CDH18: variants seen among roughly 807,000 people sequenced by gnomAD.
CDH18 encodes the protein cadherin 18, also known as cadherin-18.
Under a neutral mutation model 67.9 loss-of-function variants are expected in CDH18, and 31 were observed. That is an observed-to-expected ratio of 0.46 (90% CI 0.34 to 0.62). CDH18 has a LOEUF of 0.62. Among genes scored for constraint, CDH18 ranks in the 20% least tolerant of loss-of-function variants. CDH18 has a pLI of 0.01. For synonymous variants in CDH18, 362 were observed against 347.2 expected (o/e 1.04, Z -0.48); for missense variants, 890 against 975.5 (o/e 0.91, Z 1.17).
intron 5 of CDH18, among the ~76,000 whole-genome samples, chr5:19,646,951 T>C (rs548787530): frequency 6.6e-6 from 1 of 152,164 alleles, no homozygotes; most frequent in Non-Finnish European, 1.5e-5. Context: ...GTTCAGATTT[T>C]AAAATGCTGT....
intron 1 of CDH18, among the ~76,000 whole-genome samples, chr5:20,349,008 T>G (rs1370887582): frequency 6.6e-6 from 1 of 152,194 alleles, no homozygotes; most frequent in East Asian, 1.9e-4. Flanking sequence ...ATTGGAAATG[T>G]GTATTTACTT....
intron 6 of CDH18, among the ~76,000 whole-genome samples, chr5:19,602,973 A>G (rs555857066): frequency 7.0e-4 from 106 of 152,042 alleles, no homozygotes; most frequent in African/African-American, 2.1e-3. Flanking sequence ...CTCAAAAAAA[A>G]AAATAAATAA....
chr5:19,885,538 G>A (rs143881761), intron 2 of CDH18, among the ~76,000 whole-genome samples: 5 of 152,232 alleles, frequency 3.3e-5, no homozygotes, highest in Middle Eastern at 3.4e-3. Context: ...ATAACAAACT[G>A]TACTTAAGAG....
At chr5:19,840,394 G>A (rs188441988) in intron 2 of CDH18, among the ~76,000 whole-genome samples, 2 of 152,010 alleles carry the variant, frequency 1.3e-5, no homozygotes, top group African/African-American at 4.8e-5. Flanking sequence ...GACAGGATAT[G>A]GGAGAGAAAA....
chr5:19,912,188 A>G (rs1351150770), intron 2 of CDH18, among the ~76,000 whole-genome samples: 1 of 152,050 alleles, frequency 6.6e-6, no homozygotes, highest in Non-Finnish European at 1.5e-5. Flanking sequence ...AATAATAAAA[A>G]AAAAACACTT....
intron 2 of CDH18, among the ~76,000 whole-genome samples, chr5:20,005,852 T>A (rs1230524189): frequency 8.5e-5 from 13 of 152,062 alleles, no homozygotes; most frequent in Admixed American, 8.5e-4. Context: ...ATCTGGATAT[T>A]TAACTACGTT....
intron 1 of CDH18, among the ~76,000 whole-genome samples, chr5:20,466,738 G>A (rs542289802): frequency 2.6e-5 from 4 of 152,144 alleles, no homozygotes; most frequent in South Asian, 2.1e-4. Flanking sequence ...TATATCCCAT[G>A]TGAGACATGC....
At chr5:19,965,556 A>G (rs180755923) in intron 2 of CDH18, among the ~76,000 whole-genome samples, 3 of 152,362 alleles carry the variant, frequency 2.0e-5, no homozygotes, top group East Asian at 3.9e-4. Context: ...ATTATATGTT[A>G]GCAAAATATC....
rs1430815907 is a variant in CDH18, at chr5:20,410,312, A to ATGT, written c.-579-154810_-579-154808dup. On this transcript the variant is annotated intron_variant, in intron 1 of 14. Transcript: ENST00000507958. ...TGATTAAATGGGACTTATCTCTGGG[A>ATGT]TGTAAAGATGATTTATAAAACAAAA... 2.6e-5 allele frequency among the ~76,000 whole-genome samples: 4 copies of ATGT among 151,988 alleles called. No homozygotes were observed. In the East Asian group the frequency reaches 7.7e-4, roughly 29 times the overall value.
In CDH18 at chr5:20,070,145, A is replaced by G. The variant is rs193003706; in HGVS notation, c.-517-78131T>C. Among the ~76,000 whole-genome samples the G allele has an allele frequency of 1.8e-4, 27 of 152,298 alleles. No homozygotes were observed. In the South Asian group the frequency reaches 3.3e-3, roughly 19 times the overall value. ...ATAGTTTTGCCTTTTCCCAAAAGCTATATAGTTGAAACACAGATTGGCTTA... is the reference window on the plus strand; with the variant it reads ...ATAGTTTTGCCTTTTCCCAAAAGCTGTATAGTTGAAACACAGATTGGCTTA... On this transcript the variant is annotated intron_variant, in intron 2 of 14. Transcript: ENST00000507958.
chr5:19,944,398 A>T (rs1795103271), intron 2 of CDH18, among the ~76,000 whole-genome samples: 2 of 152,142 alleles, frequency 1.3e-5, no homozygotes, highest in South Asian at 4.1e-4. Flanking sequence ...TAAAGTGTGT[A>T]TATAATTTAT....
intron 5 of CDH18, among the ~76,000 whole-genome samples, chr5:19,627,375 G>C (rs1250724350): frequency 1.3e-5 from 2 of 152,158 alleles, no homozygotes; most frequent in Non-Finnish European, 2.9e-5. Context: ...AAAAATATTA[G>C]CCAATACCTA....
At chr5:19,860,416 CTTCTT>C (rs1022553987) in intron 2 of CDH18, among the ~76,000 whole-genome samples, 1 of 150,336 alleles carries the variant, frequency 6.7e-6, no homozygotes, top group African/African-American at 2.4e-5. Context: ...TTCTCATTGC[CTTCTT>C]TTCTTCTTCT....
chr5:19,943,470 G>C (rs1272379601), intron 2 of CDH18, among the ~76,000 whole-genome samples: 1 of 152,114 alleles, frequency 6.6e-6, no homozygotes, highest in Non-Finnish European at 1.5e-5. Flanking sequence ...ATCTTGTCAA[G>C]ATATGAAAGC....
chr5:19,714,746 C>A (rs1309729163), intron 5 of CDH18, among the ~76,000 whole-genome samples: 2 of 151,998 alleles, frequency 1.3e-5, no homozygotes, highest in Non-Finnish European at 2.9e-5. Flanking sequence ...TATGTCATTT[C>A]CATTACTTCA....
At chr5:19,670,735 G>C (rs1472127550) in intron 5 of CDH18, among the ~76,000 whole-genome samples, 2 of 152,014 alleles carry the variant, frequency 1.3e-5, no homozygotes, top group Admixed American at 1.3e-4. Flanking sequence ...TGAACGACAA[G>C]ATCAACTGGG....
chr5:19,569,220 C>G (rs1356937790), intron 8 of CDH18, among the ~76,000 whole-genome samples: 1 of 152,208 alleles, frequency 6.6e-6, no homozygotes, highest in Non-Finnish European at 1.5e-5. Context: ...TCTCTCCAAT[C>G]TCATTACTTG....
intron 2 of CDH18, among the ~76,000 whole-genome samples, chr5:19,934,731 C>T (rs1794052488): frequency 6.6e-6 from 1 of 151,348 alleles, no homozygotes; most frequent in African/African-American, 2.4e-5. Flanking sequence ...TGAGGATTGC[C>T]TTTGTTTATA....
intron 2 of CDH18, among the ~76,000 whole-genome samples, chr5:20,105,119 C>G (rs967288113): frequency 6.6e-6 from 1 of 151,936 alleles, no homozygotes; most frequent in African/African-American, 2.4e-5. Flanking sequence ...TCTTGAGTAG[C>G]TGGGATTACA....
Sources: allele counts gnomAD v4.1 joint callset (sites outside exome capture counted in the v4.1 genomes callset), GRCh38; gene constraint gnomAD v4.1.1; transcripts MANE v1.5; gene names NCBI Gene and HGNC (gene_info 2026-07-23, HGNC 2026-07-21).